SOD2: variants seen among roughly 807,000 people sequenced by gnomAD.
SOD2 encodes superoxide dismutase [Mn], mitochondrial.
In SOD2, 11 loss-of-function variants were observed where a neutral mutation model predicts 27.0. The ratio of observed to expected loss-of-function variants is 0.41; its 90% CI spans 0.26 to 0.67. The LOEUF (loss-of-function observed/expected upper bound fraction) is 0.67. Among genes scored for constraint, SOD2 ranks in the 30% least tolerant of loss-of-function variants. SOD2 has a pLI of 0.34. For synonymous variants in SOD2, 105 were observed against 103.0 expected (o/e 1.02, Z -0.12); for missense variants, 250 against 274.5 (o/e 0.91, Z 0.63).
upstream of SOD2, among the ~76,000 whole-genome samples, chr6:159,693,634 C>T (rs868817103): frequency 2.8e-4 from 43 of 152,328 alleles, 2 homozygotes; most frequent in Middle Eastern, 6.8e-3. Context: ...GGCGCCTGCC[C>T]CTGAGTTTTG....
chr6:159,739,782 T>G (rs1779131875), intron 1 of SOD2, among the ~76,000 whole-genome samples: 1 of 150,412 alleles, frequency 6.6e-6, no homozygotes, highest in Non-Finnish European at 1.5e-5. Flanking sequence ...ATTTCCTACT[T>G]TCACCTTTGG....
rs945393373 is a variant in SOD2, at chr6:159,681,700, G to C, written c.*793C>G. The C allele has an allele frequency of 6.6e-6, 1 of 152,058 alleles. No homozygotes were observed. Among genetic ancestry groups the C allele is most frequent in the Non-Finnish European group, 1.5e-5 (1 of 68,050 alleles). The allele number at this position is 152,058 out of a possible 1,614,324, so 9.4% of individuals were successfully genotyped here. A position where few individuals can be genotyped will look rare whatever the true frequency, so the allele number is the denominator to read the frequency against. On this transcript the variant is annotated 3_prime_UTR_variant, in exon 5 of 5. Coordinates refer to ENST00000538183, the MANE Select transcript of SOD2 (RefSeq NM_000636.4). The stretch of plus-strand genomic sequence containing the variant: ...TACCACCCTGAAGGCACCCGATCTC[G>C]ACTGATTTACAATTTTGCCTTTAAC...
upstream of SOD2, among the ~76,000 whole-genome samples, chr6:159,693,796 G>A (rs945041828): frequency 6.6e-6 from 1 of 152,240 alleles, no homozygotes; most frequent in East Asian, 1.9e-4. Flanking sequence ...GGTAGAGCCA[G>A]CGCCCTTCCA....
upstream of SOD2, chr6:159,748,508 C>T: frequency 2.1e-6 from 3 of 1,450,862 alleles, no homozygotes; most frequent in Non-Finnish European, 2.7e-6. The surrounding 1 kb of genome is among the most constrained non-coding windows in gnomAD (Gnocchi z 5.6). Flanking sequence ...CTTACACTGT[C>T]CAGCTTGTAA....
intron 1 of SOD2, chr6:159,712,823 C>T: frequency 1.8e-6 from 1 of 571,212 alleles, no homozygotes; most frequent in Non-Finnish European, 3.5e-6. Flanking sequence ...CCATCATTTG[C>T]CTACCATAAG....
upstream of SOD2, among the ~76,000 whole-genome samples, chr6:159,694,315 G>A (rs1777374994): frequency 6.6e-6 from 1 of 152,198 alleles, no homozygotes; most frequent in Admixed American, 6.5e-5. Flanking sequence ...ATTGGCGGGA[G>A]TTGCCCCTTT....
chr6:159,748,107 TC>T, upstream of SOD2: 1 of 1,489,570 alleles, frequency 6.7e-7, no homozygotes, highest in Admixed American at 2.2e-5. This position sits in a 1 kb window ranked among gnomAD's most constrained non-coding sequence, Gnocchi z 5.6. Context: ...AGTTGGTAAA[TC>T]AAGTGAATGG....
chr6:159,755,507 CAA>C (rs1779969644), intron 1 of SOD2: 1 of 1,614,026 alleles, frequency 6.2e-7, no homozygotes, highest in Admixed American at 1.7e-5. Flanking sequence ...TCATGACCCT[CAA>C]GAGGAGAAAG....
upstream of SOD2, among the ~76,000 whole-genome samples, chr6:159,698,059 G>A (rs1425415989): frequency 1.3e-5 from 2 of 152,226 alleles, no homozygotes; most frequent in African/African-American, 2.4e-5. Context: ...TGGATCATGA[G>A]GTCAGGAATT....
intron 1 of SOD2, among the ~76,000 whole-genome samples, chr6:159,750,349 T>C (rs1048634835): frequency 1.3e-5 from 2 of 152,228 alleles, no homozygotes; most frequent in African/African-American, 4.8e-5. Context: ...ATGAGTTCTA[T>C]GGTTTTTTTC....
chr6:159,696,413 G>A (rs2114801801), upstream of SOD2, among the ~76,000 whole-genome samples: 1 of 152,248 alleles, frequency 6.6e-6, no homozygotes, highest in South Asian at 2.1e-4. Context: ...TCCACCTCCT[G>A]AGTTCAAGTG....
At chr6:159,691,244 G>A (rs1337481133) in intron 2 of SOD2, 1 of 152,122 alleles carries the variant, frequency 6.6e-6, no homozygotes, top group Non-Finnish European at 1.5e-5. Context: ...TCACAACTGG[G>A]GTATTCCCCA....
intron 2 of SOD2, 119 bp downstream of exon 2, chr6:159,692,542 G>T: frequency 6.6e-7 from 1 of 1,510,276 alleles, no homozygotes; most frequent in South Asian, 1.3e-5. Flanking sequence ...TGGAAAACTC[G>T]GAACCGGTAC....
chr6:159,754,227 A>T (rs1418828785), intron 1 of SOD2, among the ~76,000 whole-genome samples: 2 of 152,240 alleles, frequency 1.3e-5, no homozygotes, highest in African/African-American at 4.8e-5. Context: ...GATGATCAGT[A>T]GCCAAGTAAT....
intron 1 of SOD2, among the ~76,000 whole-genome samples, chr6:159,702,416 C>G (rs1365332245): frequency 1.3e-5 from 2 of 151,538 alleles, no homozygotes; most frequent in African/African-American, 4.9e-5. Context: ...TGTGCCTCAG[C>G]CTCCCTAGGA....
upstream of SOD2, among the ~76,000 whole-genome samples, chr6:159,732,246 C>G (rs1778618066): frequency 6.6e-6 from 1 of 152,038 alleles, no homozygotes; most frequent in South Asian, 2.1e-4. Flanking sequence ...CTTTTATAAG[C>G]TGGAATTTAT....
intron 2 of SOD2, chr6:159,691,128 A>G (rs1052698589): frequency 2.0e-5 from 3 of 152,250 alleles, no homozygotes; most frequent in East Asian, 1.9e-4. Context: ...GTTGTATTAC[A>G]TAAGTAAGGC....
upstream of SOD2, among the ~76,000 whole-genome samples, chr6:159,695,878 A>G (rs535604577): frequency 2.6e-5 from 4 of 152,226 alleles, no homozygotes; most frequent in South Asian, 2.1e-4. Flanking sequence ...CTGTGTCCCA[A>G]GTTACTCCAG....
chr6:159,695,494 AC>A (rs1186413097), upstream of SOD2, among the ~76,000 whole-genome samples: 1 of 152,112 alleles, frequency 6.6e-6, no homozygotes, highest in African/African-American at 2.4e-5. Context: ...TACCTTGTCT[AC>A]CACACCCAGT....
Sources: gnomAD v4.1 joint callset for allele counts (sites outside exome capture counted in the v4.1 genomes callset) on GRCh38, gnomAD v4.1.1 for gene constraint, Gnocchi (gnomAD v3.1) non-coding constraint, MANE v1.5 for transcripts, NCBI Gene and HGNC (gene_info 2026-07-23, HGNC 2026-07-21) for gene names.